SUPT16H: variants seen among roughly 807,000 people sequenced by gnomAD.
SUPT16H encodes the protein SPT16 homolog, facilitates chromatin remodeling subunit.
A neutral mutation model predicts 136.2 loss-of-function variants in SUPT16H; 24 were observed. That is an observed-to-expected ratio of 0.18 (90% CI 0.13 to 0.25). SUPT16H has a LOEUF of 0.25. SUPT16H is among the 10% of genes least tolerant of loss of function. The pLI is 1.00. For synonymous variants in SUPT16H, 415 were observed against 428.2 expected, an observed-to-expected ratio of 0.97 and a Z score of 0.38; for missense variants, 623 against 1,270.2, an observed-to-expected ratio of 0.49 and a Z score of 7.74.
At chr14:21,359,388 G>A (rs965716502) in intron 19 of SUPT16H, 96 bp downstream of exon 19, 80 of 1,526,924 alleles carry the variant, frequency 5.2e-5, no homozygotes, top group Non-Finnish European at 6.5e-5. Context: ...GAGTCACCAC[G>A]CCAGCCCAGT....
chr14:21,365,343 A>G (rs1175714229), intron 8 of SUPT16H, among the ~76,000 whole-genome samples, 200 bp from the exon 9 acceptor site: 1 of 152,220 alleles, frequency 6.6e-6, no homozygotes, highest in Non-Finnish European at 1.5e-5. Flanking sequence ...ATGGCGAAAA[A>G]TAATTTCCTA....
chr14:21,378,112 G>A (rs1463563534), intron 1 of SUPT16H, among the ~76,000 whole-genome samples: 1 of 152,032 alleles, frequency 6.6e-6, no homozygotes, highest in African/African-American at 2.4e-5. Context: ...TTAAGCAACA[G>A]AATAAAATTC....
At chr14:21,356,008 T>C (rs139005547) in intron 22 of SUPT16H, among the ~76,000 whole-genome samples, 7 of 152,154 alleles carry the variant, frequency 4.6e-5, no homozygotes, top group African/African-American at 1.7e-4. Context: ...ACAACAAGGG[T>C]TAATTGAACA....
intron 5 of SUPT16H, 71 bp downstream of exon 5, chr14:21,369,679 C>A: frequency 6.3e-7 from 1 of 1,582,024 alleles, no homozygotes; most frequent in Non-Finnish European, 8.6e-7. Flanking sequence ...AAGAACACAC[C>A]AACAGATTTG....
chr14:21,369,450 A>G (rs760213586), intron 5 of SUPT16H, 95 bp from the exon 6 acceptor site: 34 of 1,504,790 alleles, frequency 2.3e-5, no homozygotes, highest in Non-Finnish European at 2.8e-5. Flanking sequence ...GTATCCTTGT[A>G]TAAGTCTTAG....
intron 1 of SUPT16H, among the ~76,000 whole-genome samples, chr14:21,380,824 G>A (rs927871678): frequency 1.3e-5 from 2 of 151,944 alleles, no homozygotes. Flanking sequence ...AAGGCAGCTG[G>A]AACCCTGGGA....
rs1886288440 is a variant in SUPT16H at position 21,351,509 on chromosome 14, T to C, written c.*1164A>G. ...AACAAACAACAAAAAAAACCCAGTT[T>C]ATTCATCTTTTAGTTCTTCCAAAAT... On this transcript the variant is annotated 3_prime_UTR_variant, in exon 26 of 26. Transcript: ENST00000216297. The C allele has an allele frequency of 3.9e-6, 1 of 258,224 alleles. No individual in the cohort carries two copies. The highest frequency in any genetic ancestry group is 7.3e-6 in the Non-Finnish European group (1 of 136,146). The allele number at this position is 258,224 out of a possible 1,614,324, so 16.0% of individuals were successfully genotyped here. A position where few individuals can be genotyped will look rare whatever the true frequency, so the allele number is the denominator to read the frequency against.
intron 3 of SUPT16H, 25 bp downstream of exon 3, chr14:21,371,849 T>C (rs1435593196): frequency 3.7e-6 from 6 of 1,611,000 alleles, no homozygotes; most frequent in South Asian, 2.2e-5. Flanking sequence ...TCCACATTTA[T>C]GACACATTCT....
chr14:21,370,544 G>T, intron 3 of SUPT16H, 56 bp from the exon 4 acceptor site: 1 of 1,559,648 alleles, frequency 6.4e-7, no homozygotes, highest in Non-Finnish European at 8.8e-7. Context: ...CATTAGACAC[G>T]TTTTACCAGT....
intron 7 of SUPT16H, among the ~76,000 whole-genome samples, chr14:21,367,002 G>A (rs546917581): frequency 1.3e-5 from 2 of 152,096 alleles, no homozygotes; most frequent in East Asian, 1.9e-4. Context: ...GTGCAGTGGC[G>A]TGATCCTACT....
In SUPT16H at chr14:21,366,495, C is replaced by T. The variant is rs746301647; in HGVS notation, c.990G>A (p.Met330Ile). 1 of 1,614,118 alleles carries T rather than the reference C, an allele frequency of 6.2e-7. No homozygotes were observed. The highest frequency in any genetic ancestry group is 8.5e-7 in the Non-Finnish European group (1 of 1,180,032). Residue 330 changes from methionine to isoleucine, a missense_variant, in exon 8 of 26, where the codon ATG becomes ATA. Met to Ile is a conservative substitution (Grantham distance 10). This residue lies in a region of SUPT16H where 343 missense variants were observed against 525.7 expected (regional missense o/e 0.65). Coordinates refer to ENST00000216297, the MANE Select transcript of SUPT16H (RefSeq NM_007192.4). Reference protein sequence around the residue: ...VKICDVYNAVMDVVKKQKPEL... With the variant: ...VKICDVYNAVIDVVKKQKPEL... ...CTGGCTTCTGCTTTTTAACCACGTC[C>T]ATGACAGCGTTATACACGTCACATA...
intron 25 of SUPT16H, among the ~76,000 whole-genome samples, chr14:21,353,287 C>A (rs545950000): frequency 1.1e-4 from 17 of 152,348 alleles, no homozygotes; most frequent in Admixed American, 1.1e-3. Flanking sequence ...TGGCAGAGCA[C>A]TGCCCACTGG....
chr14:21,360,802 G>A (rs923191396), intron 17 of SUPT16H, 44 bp downstream of exon 17: 3 of 1,579,556 alleles, frequency 1.9e-6, no homozygotes, highest in Non-Finnish European at 2.6e-6. Context: ...CCTAACAAAT[G>A]TGCCCTGAAG....
chr14:21,378,063 G>C (rs557448866), intron 1 of SUPT16H, among the ~76,000 whole-genome samples: 1 of 152,260 alleles, frequency 6.6e-6, no homozygotes, highest in South Asian at 2.1e-4. Context: ...AGATGGAGCA[G>C]GATAATGTGG....
chr14:21,370,633 A>G, intron 3 of SUPT16H, 145 bp from the exon 4 acceptor site: 1 of 887,716 alleles, frequency 1.1e-6, no homozygotes, highest in Non-Finnish European at 1.7e-6. Context: ...TTTTAAAGAG[A>G]CAGGGTCTTG....
intron 19 of SUPT16H, among the ~76,000 whole-genome samples, chr14:21,359,158 C>T (rs1335334821): frequency 1.3e-5 from 2 of 151,772 alleles, no homozygotes; most frequent in Admixed American, 6.6e-5. Context: ...AGTGCAGTGG[C>T]GCTATCTCAG....
At chr14:21,362,974 G>GA in intron 13 of SUPT16H, 27 bp from the exon 14 acceptor site, 1 of 1,613,216 alleles carries the variant, frequency 6.2e-7, no homozygotes, top group Non-Finnish European at 8.5e-7. Context: ...AAACAACTGA[G>GA]AAATTTCTGC....
chr14:21,358,458 A>T, intron 19 of SUPT16H, 31 bp from the exon 20 acceptor site: 1 of 1,501,372 alleles, frequency 6.7e-7, no homozygotes, highest in East Asian at 2.3e-5. Flanking sequence ...AAATACAGCC[A>T]TCACATTTGT....
chr14:21,354,369 G>A (rs1177976028), intron 23 of SUPT16H, 42 bp downstream of exon 23: 1 of 1,608,532 alleles, frequency 6.2e-7, no homozygotes, highest in African/African-American at 1.3e-5. Context: ...AATGATAGCG[G>A]GCAACACTGT....
Sources: allele counts gnomAD v4.1 joint callset (sites outside exome capture counted in the v4.1 genomes callset), GRCh38; gene constraint gnomAD v4.1.1; regional missense constraint gnomAD v4.1.1; transcripts MANE v1.5; gene names NCBI Gene and HGNC (gene_info 2026-07-23, HGNC 2026-07-21).